The following NCOA1 variants were observed in gnomAD, a reference collection of about 807,000 sequenced individuals.
NCOA1 encodes the protein Hin-2 protein.
Under a neutral mutation model 150.9 loss-of-function variants are expected in NCOA1, and 35 were observed. The ratio of observed to expected loss-of-function variants is 0.23; its 90% CI spans 0.18 to 0.31. The LOEUF (loss-of-function observed/expected upper bound fraction) is 0.31, where lower values mean the gene tolerates loss of function less well. Ranked by LOEUF, NCOA1 falls within the 10% of genes least tolerant of loss-of-function variation. The pLI is 1.00. For missense variants in NCOA1, 1,491 were observed against 1,749.3 expected (o/e 0.85, Z 2.63); for synonymous variants, 590 against 630.0 (o/e 0.94, Z 0.95).
At chr2:24,567,997 G>A (rs1666584208) in intron 2 of NCOA1, among the ~76,000 whole-genome samples, 1 of 152,070 alleles carries the variant, frequency 6.6e-6, no homozygotes, top group South Asian at 2.1e-4. Flanking sequence ...GCCCACCTTG[G>A]CCTCCCGAAG....
intron 14 of NCOA1, among the ~76,000 whole-genome samples, chr2:24,725,391 C>T (rs993550326): frequency 3.3e-5 from 5 of 152,080 alleles, no homozygotes; most frequent in Admixed American, 2.6e-4. Context: ...AGATGGCCCT[C>T]TTCTCTCTGG....
At chr2:24,495,603 C>T (rs953096939) in intron 1 of NCOA1, among the ~76,000 whole-genome samples, 2 of 152,192 alleles carry the variant, frequency 1.3e-5, no homozygotes, top group Non-Finnish European at 1.5e-5. Flanking sequence ...GGAAGCAAAA[C>T]GCACCCATTA....
At chr2:24,530,488 G>T (rs1664836694) in intron 1 of NCOA1, among the ~76,000 whole-genome samples, 1 of 152,098 alleles carries the variant, frequency 6.6e-6, no homozygotes, top group Admixed American at 6.6e-5. Flanking sequence ...TGTCTTTCAG[G>T]TAACTTTTGT....
intron 7 of NCOA1, among the ~76,000 whole-genome samples, chr2:24,677,871 C>CT (rs1009081329): frequency 2.0e-5 from 3 of 150,188 alleles, no homozygotes; most frequent in Admixed American, 6.6e-5. Context: ...ATGTGCCACA[C>CT]TTTTTTTTTT....
At chr2:24,662,305 A>G (rs141523490) in intron 5 of NCOA1, among the ~76,000 whole-genome samples, 93 of 152,310 alleles carry the variant, frequency 6.1e-4, no homozygotes, top group African/African-American at 2.2e-3. Context: ...TCATTCTTCT[A>G]GGAGAATGAG....
intron 1 of NCOA1, among the ~76,000 whole-genome samples, chr2:24,528,594 C>T (rs1448161574): frequency 6.6e-6 from 1 of 151,946 alleles, no homozygotes; most frequent in African/African-American, 2.4e-5. Flanking sequence ...CCGACCCACC[C>T]ATATTAGCCT....
At chr2:24,667,448 G>A (rs998224994) in intron 6 of NCOA1, among the ~76,000 whole-genome samples, 1 of 152,030 alleles carries the variant, frequency 6.6e-6, no homozygotes, top group African/African-American at 2.4e-5. Context: ...AGGTATTGGG[G>A]GAAAGCCTGT....
rs184387139 is a variant in NCOA1 at position 24,514,145 on chromosome 2, G to A, written c.-396+22543G>A. Among the ~76,000 whole-genome samples, 384 of 151,714 alleles carry A rather than the reference G, an allele frequency of 2.5e-3. 2 individuals are homozygous for A. Among genetic ancestry groups the A allele is most frequent in the African/African-American group, 8.2e-3 (339 of 41,422 alleles). Reference sequence around the variant, plus strand: ...CTACTAAAAATACAAAAAATTAGCCGGGTGTGGTGGCACACACCTGTAGTC... The same window carrying A: ...CTACTAAAAATACAAAAAATTAGCCAGGTGTGGTGGCACACACCTGTAGTC... On this transcript the variant is annotated intron_variant, in intron 1 of 22. Coordinates refer to ENST00000348332, the MANE Select transcript of NCOA1 (RefSeq NM_003743.5).
intron 11 of NCOA1, among the ~76,000 whole-genome samples, chr2:24,701,709 C>G (rs1041781964): frequency 2.6e-5 from 4 of 152,152 alleles, no homozygotes; most frequent in Non-Finnish European, 5.9e-5. Context: ...CCATTTTCAT[C>G]TTTTAAAAAA....
At chr2:24,703,680 G>T (rs1673274859) in intron 11 of NCOA1, among the ~76,000 whole-genome samples, 1 of 152,096 alleles carries the variant, frequency 6.6e-6, no homozygotes, top group South Asian at 2.1e-4. Flanking sequence ...ATATATTATG[G>T]TATAGATTTA....
intron 14 of NCOA1, among the ~76,000 whole-genome samples, chr2:24,724,861 A>T (rs771999048): frequency 1.3e-5 from 2 of 152,084 alleles, no homozygotes; most frequent in Non-Finnish European, 2.9e-5. Context: ...TCTTTGACCA[A>T]CTTTCTGATT....
chr2:24,508,781 T>A (rs550529133), intron 1 of NCOA1, among the ~76,000 whole-genome samples: 1 of 152,332 alleles, frequency 6.6e-6, no homozygotes, highest in African/African-American at 2.4e-5. Context: ...ATTAAGATGT[T>A]ATTTTTTTGG....
intron 1 of NCOA1, among the ~76,000 whole-genome samples, chr2:24,533,323 T>A (rs1473220433): frequency 6.6e-6 from 1 of 152,216 alleles, no homozygotes; most frequent in Admixed American, 6.5e-5. Context: ...CTGAAGTTGC[T>A]TATTAGCTTA....
chr2:24,768,641 C>CT lies in NCOA1; in HGVS notation c.*251dup, dbSNP rs1425263599. The CT allele has an allele frequency of 1.1e-5, 3 of 281,614 alleles. No homozygotes were observed. Among genetic ancestry groups the CT allele is most frequent in the Non-Finnish European group, 1.9e-5 (3 of 153,992 alleles). 17.4% of individuals were successfully genotyped at this position (281,614 alleles called of 1,614,324 possible). On this transcript the variant is annotated 3_prime_UTR_variant, in exon 23 of 23. Transcript: ENST00000348332. The stretch of plus-strand genomic sequence containing the variant: ...TACCAAGGCAGAACAGTTGGACAAT[C>CT]TATTTCTTGAGCCAAATTTAATTAT...
At position 24,710,931 on chromosome 2, in the gene NCOA1, T is replaced by G. The variant is rs1673718144; in HGVS notation, c.2419T>G (p.Phe807Val). Residue 807 changes from phenylalanine (F) to valine (V), a missense_variant and splice_region_variant, in exon 14 of 23, where the codon TTT (phenylalanine) becomes GTT (valine). Physicochemically the swap from Phe to Val is conservative, Grantham distance 50 (BLOSUM62 -1). Around this residue, in one of 8 missense-constraint regions of NCOA1, gnomAD observed 703 missense variants for 717.7 expected, o/e 0.98. Coordinates refer to ENST00000348332, the MANE Select transcript of NCOA1 (RefSeq NM_003743.5). ...CTCTAACTTTGGTTTCCATTCTTAG[T>G]TTACAGCTGACCTTGACCAGTTTGA... ...EEIKLEAQSQ[F>V]TADLDQFDQL... The G allele has an allele frequency of 6.2e-7, 1 of 1,613,218 alleles. No individual in the cohort carries two copies. Among genetic ancestry groups the G allele is most frequent in the African/African-American group, 1.3e-5 (1 of 74,910 alleles).
intron 3 of NCOA1, among the ~76,000 whole-genome samples, chr2:24,636,492 C>T (rs959899463): frequency 5.3e-5 from 8 of 152,106 alleles, no homozygotes; most frequent in Admixed American, 5.2e-4. Context: ...TTGCCAAATT[C>T]ACTTAATTCT....
chr2:24,732,313 C>A (rs1572655652), intron 17 of NCOA1, among the ~76,000 whole-genome samples: 1 of 152,192 alleles, frequency 6.6e-6, no homozygotes. Context: ...AAAGTATCCA[C>A]CAAGTTGAAG....
chr2:24,638,980 A>G (rs1004699673), intron 3 of NCOA1, among the ~76,000 whole-genome samples: 9 of 152,188 alleles, frequency 5.9e-5, no homozygotes, highest in African/African-American at 2.2e-4. Context: ...ATAATAGTCT[A>G]TTCTTAAATA....
At chr2:24,577,824 A>G (rs2148299375) in intron 2 of NCOA1, among the ~76,000 whole-genome samples, 1 of 152,288 alleles carries the variant, frequency 6.6e-6, no homozygotes. Context: ...CTTGCAACAG[A>G]CAACTTTTGC....
Sources: allele counts gnomAD v4.1 joint callset (sites outside exome capture counted in the v4.1 genomes callset), GRCh38; gene constraint gnomAD v4.1.1; regional missense constraint gnomAD v4.1.1; transcripts MANE v1.5; gene names NCBI Gene and HGNC (gene_info 2026-07-23, HGNC 2026-07-21).